The following KDM6A variants were observed in gnomAD, a reference collection of about 807,000 sequenced individuals.
KDM6A encodes the protein lysine-specific demethylase 6A.
A neutral mutation model predicts 117.6 loss-of-function variants in KDM6A; 11 were observed. The observed-to-expected ratio is 0.09, with a 90% confidence interval of 0.06 to 0.15. KDM6A has a LOEUF of 0.15. KDM6A is among the 10% of genes least tolerant of loss of function. KDM6A has a pLI of 1.00. For missense variants in KDM6A, 799 were observed against 1,077.3 expected, an observed-to-expected ratio of 0.74 and a Z score of 3.62; for synonymous variants, 384 against 396.1, an observed-to-expected ratio of 0.97 and a Z score of 0.36.
chrX:44,924,294 G>T (rs1425097340), intron 2 of KDM6A, among the ~76,000 whole-genome samples: 2 of 111,476 alleles, frequency 1.8e-5, no homozygotes, highest in Non-Finnish European at 3.8e-5. Context: ...CCTATTGTTC[G>T]CATCTACGTT....
intron 2 of KDM6A, among the ~76,000 whole-genome samples, chrX:44,909,981 T>C (rs1168685548): frequency 1.8e-5 from 2 of 112,272 alleles, no homozygotes; most frequent in Non-Finnish European, 3.8e-5. Context: ...TTTTTCTTAA[T>C]GATTATTTCG....
chrX:45,033,137 T>C (rs867971465), intron 6 of KDM6A, among the ~76,000 whole-genome samples: 2 of 112,236 alleles, frequency 1.8e-5, no homozygotes, highest in Non-Finnish European at 3.8e-5. Context: ...ACAGGACAAA[T>C]TAGACTTAGA....
intron 4 of KDM6A, among the ~76,000 whole-genome samples, chrX:45,008,949 T>A (rs1407055206): frequency 8.9e-6 from 1 of 111,829 alleles, no homozygotes; most frequent in Non-Finnish European, 1.9e-5. Flanking sequence ...CATTTGACAA[T>A]GTATTTAAGA....
intron 8 of KDM6A, among the ~76,000 whole-genome samples, chrX:45,039,417 G>T (rs2042952088): frequency 9.1e-6 from 1 of 109,651 alleles, no homozygotes; most frequent in Admixed American, 9.8e-5. Context: ...CATTGTTTCT[G>T]ATGTGGAGTT....
chrX:45,030,813 G>A (rs1180718727), intron 6 of KDM6A, among the ~76,000 whole-genome samples: 4 of 111,201 alleles, frequency 3.6e-5, no homozygotes, highest in Non-Finnish European at 7.6e-5. Context: ...GGGTTCAAGC[G>A]ATTCTCATGC....
At chrX:45,067,951 C>T (rs2044614482) in intron 17 of KDM6A, among the ~76,000 whole-genome samples, 1 of 111,026 alleles carries the variant, frequency 9.0e-6, no homozygotes, top group African/African-American at 3.3e-5. Flanking sequence ...TGCGCCTGGC[C>T]AATGTGTATC....
At chrX:45,111,179 C>T (rs2046755213) in intron 29 of KDM6A, among the ~76,000 whole-genome samples, 1 of 110,833 alleles carries the variant, frequency 9.0e-6, no homozygotes, top group Non-Finnish European at 1.9e-5. Flanking sequence ...TGCAAGTACA[C>T]TGAGTAGGAT....
intron 2 of KDM6A, among the ~76,000 whole-genome samples, 186 bp downstream of exon 2, chrX:44,874,173 G>T (rs1283250482): frequency 1.8e-5 from 2 of 111,700 alleles, no homozygotes; most frequent in Non-Finnish European, 3.8e-5. Context: ...TTGCGAAATC[G>T]CTCTTTTCCT....
At chrX:45,040,542 A>G (rs1311951514) in intron 8 of KDM6A, among the ~76,000 whole-genome samples, 5 of 33,042 alleles carry the variant, frequency 1.5e-4, no homozygotes, top group East Asian at 1.3e-3. Flanking sequence ...GGCCGGGCAG[A>G]GGGGCTCCTC....
intron 2 of KDM6A, among the ~76,000 whole-genome samples, chrX:44,888,596 G>A (rs907405566): frequency 1.2e-4 from 14 of 112,264 alleles, no homozygotes; most frequent in African/African-American, 4.2e-4. Flanking sequence ...GAAACTGAAT[G>A]AATGCACATA....
chrX:45,102,066 AAC>A (rs2046355872), intron 27 of KDM6A, among the ~76,000 whole-genome samples: 1 of 111,614 alleles, frequency 9.0e-6, no homozygotes, highest in Admixed American at 9.5e-5. Context: ...TAATCCTAAA[AAC>A]ACAGTGATTC....
intron 2 of KDM6A, among the ~76,000 whole-genome samples, chrX:44,935,837 T>C (rs2036935679): frequency 1.8e-5 from 2 of 111,804 alleles, no homozygotes; most frequent in Non-Finnish European, 3.8e-5. Context: ...CATATTGACA[T>C]AGAAGGATAT....
chrX:45,020,109 CG>C (rs751051646), intron 5 of KDM6A, among the ~76,000 whole-genome samples: 1 of 111,243 alleles, frequency 9.0e-6, no homozygotes, highest in Admixed American at 9.6e-5. Context: ...ATATGAAGAC[CG>C]TCTCTTAACC....
At chrX:45,043,264 T>C (rs2043368661) in intron 8 of KDM6A, among the ~76,000 whole-genome samples, 1 of 111,106 alleles carries the variant, frequency 9.0e-6, no homozygotes, top group South Asian at 3.8e-4. Context: ...CGCTCCAGCC[T>C]GGGTGACAAA....
chrX:44,998,331 G>A (rs774308917), intron 4 of KDM6A, among the ~76,000 whole-genome samples: 7 of 111,734 alleles, frequency 6.3e-5, no homozygotes, highest in Admixed American at 4.7e-4. Context: ...TGGAGAAGAG[G>A]TGAGAGAGGA....
intron 4 of KDM6A, 138 bp downstream of exon 4, chrX:44,974,853 AG>A: frequency 2.0e-6 from 1 of 508,591 alleles, no homozygotes; most frequent in African/African-American, 2.3e-5. Flanking sequence ...GTATTGGAAA[AG>A]GGTTGAGAGT....
intron 2 of KDM6A, among the ~76,000 whole-genome samples, chrX:44,906,395 C>T (rs1475400550): frequency 9.1e-6 from 1 of 110,099 alleles, no homozygotes; most frequent in Non-Finnish European, 1.9e-5. Context: ...AAGTGATGCT[C>T]CCACCTCAGC....
chrX:44,914,522 G>C (rs2146824330), intron 2 of KDM6A, among the ~76,000 whole-genome samples: 1 of 111,477 alleles, frequency 9.0e-6, no homozygotes, highest in Non-Finnish European at 1.9e-5. Flanking sequence ...TCCAGGAAGA[G>C]CACTGTGTCA....
intron 2 of KDM6A, among the ~76,000 whole-genome samples, chrX:44,891,755 C>T (rs1039647753): frequency 1.3e-4 from 14 of 111,921 alleles, no homozygotes; most frequent in African/African-American, 4.2e-4. Flanking sequence ...TTTCCATTGG[C>T]TGGAACGGGA....
Sources: gnomAD v4.1 joint callset for allele counts (sites outside exome capture counted in the v4.1 genomes callset) on GRCh38, gnomAD v4.1.1 for gene constraint, MANE v1.5 for transcripts, NCBI Gene and HGNC (gene_info 2026-07-23, HGNC 2026-07-21) for gene names.